C1orf87: variants seen among roughly 807,000 people sequenced by gnomAD.
C1orf87 encodes the protein uncharacterized protein C1orf87.
Under a neutral mutation model 60.5 loss-of-function variants are expected in C1orf87, and 58 were observed. The observed-to-expected ratio is 0.96, with a 90% CI of 0.78 to 1.19. C1orf87 has a LOEUF of 1.19. Ranked by LOEUF, C1orf87 falls within the 50% of genes most tolerant of loss-of-function variation. The pLI is 0.00. For synonymous variants in C1orf87, 236 were observed against 227.4 expected (o/e 1.04, Z -0.34); for missense variants, 673 against 638.6 (o/e 1.05, Z -0.58).
At position 60,039,941 on chromosome 1, in the gene C1orf87, A is replaced by C. The variant is rs778872787; in HGVS notation, c.723T>G (p.Phe241Leu). Residue 241 changes from phenylalanine (F) to leucine (L), a missense_variant, in exon 5 of 12, where the codon TTT (phenylalanine) becomes TTG (leucine). Transcript: ENST00000371201. ...CCATTTCAGGAGAACCCCTCTTAGA[A>C]AATCTCTGACAAAGGATTTTAACTG... is the stretch of plus-strand genomic sequence containing the variant. ...LPTVKILCQR[F>L]SKRGSPEMVN... 1.3e-5 allele frequency: 21 copies of C among 1,613,810 alleles called. No homozygotes were observed. Among genetic ancestry groups the C allele is most frequent in the Non-Finnish European group, 1.8e-5 (21 of 1,179,982 alleles).
intron 2 of C1orf87, among the ~76,000 whole-genome samples, chr1:60,063,159 TGA>T (rs1302180890): frequency 6.6e-6 from 1 of 152,212 alleles, no homozygotes; most frequent in Admixed American, 6.5e-5. Context: ...TCAGTTTTAA[TGA>T]GAGATTGAGT....
chr1:60,007,035 C>G (rs1645051846), intron 9 of C1orf87, among the ~76,000 whole-genome samples: 1 of 152,032 alleles, frequency 6.6e-6, no homozygotes, highest in Non-Finnish European at 1.5e-5. Flanking sequence ...CCTCTGCCTC[C>G]CAAGTAGCTG....
intron 11 of C1orf87, among the ~76,000 whole-genome samples, chr1:59,995,283 C>T (rs941233272): frequency 6.6e-6 from 1 of 152,194 alleles, no homozygotes; most frequent in African/African-American, 2.4e-5. Flanking sequence ...CATCACCACT[C>T]TCATAGCCCT....
chr1:60,045,210 G>T (rs1351312952), intron 3 of C1orf87, among the ~76,000 whole-genome samples: 1 of 152,086 alleles, frequency 6.6e-6, no homozygotes, highest in East Asian at 1.9e-4. Flanking sequence ...CAAGGTACTG[G>T]GGTGTTCTAG....
At chr1:60,040,344 T>C (rs1055190208) in intron 4 of C1orf87, among the ~76,000 whole-genome samples, 164 bp from the exon 5 acceptor site, 1 of 152,198 alleles carries the variant, frequency 6.6e-6, no homozygotes, top group Non-Finnish European at 1.5e-5. Context: ...TTCAATCTGG[T>C]GTATTCATTA....
chr1:60,046,374 T>TTCTC (rs1179906925), intron 3 of C1orf87, among the ~76,000 whole-genome samples: 1 of 137,832 alleles, frequency 7.3e-6, no homozygotes, highest in African/African-American at 2.7e-5. Flanking sequence ...TTCTTTCTCT[T>TTCTC]TTTCTTTCTT....
At chr1:60,064,296 T>TA (rs1557481491) in intron 2 of C1orf87, among the ~76,000 whole-genome samples, 4 of 129,330 alleles carry the variant, frequency 3.1e-5, no homozygotes, top group Middle Eastern at 3.8e-3. Flanking sequence ...ATTATATATA[T>TA]ATTTTATATA....
intron 9 of C1orf87, 132 bp downstream of exon 9, chr1:60,010,260 G>T: frequency 2.5e-6 from 2 of 814,544 alleles, no homozygotes; most frequent in African/African-American, 1.7e-5. Context: ...TTCCTTCACT[G>T]GGGAGCTATT....
In C1orf87 at chr1:60,038,646, C is replaced by G. The variant is rs541859031; in HGVS notation, c.748-539G>C. On this transcript the variant is annotated intron_variant, in intron 5 of 11. Coordinates refer to ENST00000371201, the MANE Select transcript of C1orf87 (RefSeq NM_152377.3). ...CTCCCCACCGCTGCCCCCACTCTCT[C>G]TCTTGTTCCTTCTCACATATCTTAT... 6.6e-5 allele frequency among the ~76,000 whole-genome samples: 10 copies of G among 152,308 alleles called. No individual in the cohort carries two copies. The South Asian group carries it at 1.9e-3, about 28-fold the overall frequency.
intron 9 of C1orf87, among the ~76,000 whole-genome samples, chr1:60,002,682 G>C (rs1645014331): frequency 6.6e-6 from 1 of 152,112 alleles, no homozygotes; most frequent in African/African-American, 2.4e-5. Flanking sequence ...ATTGCTTTTG[G>C]TGTTTTAGAC....
chr1:60,049,354 G>A (rs1022941975), intron 3 of C1orf87, among the ~76,000 whole-genome samples: 1 of 152,002 alleles, frequency 6.6e-6, no homozygotes, highest in Non-Finnish European at 1.5e-5. Context: ...CTTATTAAAA[G>A]CAAGTCCACA....
At position 60,028,834 on chromosome 1, in the gene C1orf87, T is replaced by A. The variant is rs572254605; in HGVS notation, c.1030-3336A>T. On this transcript the variant is annotated intron_variant, in intron 7 of 11. Transcript: ENST00000371201. ...CCATCCTTCTCCAAACTCTCTTTGT[T>A]TTTTGCTTTTTTTTTTTCCACTCCC... 2.0e-5 allele frequency among the ~76,000 whole-genome samples: 3 copies of A among 152,218 alleles called. No individual in the cohort carries two copies. In the South Asian group the frequency reaches 6.2e-4, roughly 32 times the overall value.
At chr1:60,034,495 A>G (rs1284492535) in intron 6 of C1orf87, among the ~76,000 whole-genome samples, 1 of 152,152 alleles carries the variant, frequency 6.6e-6, no homozygotes, top group Non-Finnish European at 1.5e-5. Flanking sequence ...ACCCATCTAA[A>G]TTGGGTTTCT....
At chr1:60,003,895 C>G (rs1182630338) in intron 9 of C1orf87, among the ~76,000 whole-genome samples, 1 of 151,982 alleles carries the variant, frequency 6.6e-6, no homozygotes, top group Non-Finnish European at 1.5e-5. Flanking sequence ...ATATCTACCC[C>G]AGATGCTATA....
At chr1:60,017,256 GTA>G (rs1645130060) in intron 8 of C1orf87, among the ~76,000 whole-genome samples, 5 of 152,194 alleles carry the variant, frequency 3.3e-5, no homozygotes, top group African/African-American at 1.2e-4. Flanking sequence ...GATCTATACC[GTA>G]TTTCTAATAG....
At chr1:60,023,362 T>C (rs574771750) in intron 8 of C1orf87, among the ~76,000 whole-genome samples, 1 of 152,180 alleles carries the variant, frequency 6.6e-6, no homozygotes, top group African/African-American at 2.4e-5. Flanking sequence ...GGCCCAGTGA[T>C]GCTCTGTTAG....
At chr1:59,999,700 A>G (rs956138006) in intron 10 of C1orf87, among the ~76,000 whole-genome samples, 1 of 152,086 alleles carries the variant, frequency 6.6e-6, no homozygotes, top group Non-Finnish European at 1.5e-5. Flanking sequence ...GTGGCACACA[A>G]AACCATTTAT....
rs1466414874 is a variant in C1orf87 at position 60,040,171 on chromosome 1, G to A, written c.493C>T (p.Gln165Ter). The part of the protein sequence containing the change: ...GSSDQPEDIG[Q>*]SPSGTTNEDA... ...TCATTTGTTGTCCCACTTGGGCTCT[G>A]GCCAATATCCTAACACAACAATGAA... is the stretch of plus-strand genomic sequence containing the variant. The change falls in exon 5 of 12, where the codon CAG (glutamine) becomes TAG (stop). Residue 165 changes from glutamine to a stop codon, truncating the protein, a stop_gained. Coordinates refer to ENST00000371201, the MANE Select transcript of C1orf87 (RefSeq NM_152377.3). LOFTEE classifies it high-confidence loss of function. 5.0e-6 allele frequency: 8 copies of A among 1,612,242 alleles called. No individual in the cohort carries two copies. In the South Asian group the frequency reaches 6.6e-5, roughly 13 times the overall value.
intron 2 of C1orf87, among the ~76,000 whole-genome samples, chr1:60,057,760 G>C (rs529646826): frequency 1.3e-5 from 2 of 152,294 alleles, no homozygotes; most frequent in South Asian, 4.1e-4. Context: ...GAAATGATGG[G>C]GTAGAAAGTC....
Sources: allele counts gnomAD v4.1 joint callset (sites outside exome capture counted in the v4.1 genomes callset), GRCh38; gene constraint gnomAD v4.1.1; transcripts MANE v1.5; gene names NCBI Gene and HGNC (gene_info 2026-07-23, HGNC 2026-07-21).